Variants in XNDC1N observed in about 807,000 individuals in gnomAD.
XNDC1N encodes the protein XRCC1 N-terminal domain containing 1, N-terminal like, also known as protein XNDC1N.
the XNDC1N span, among the ~76,000 whole-genome samples, chr11:71,880,904 T>C: frequency 6.6e-6 from 1 of 152,218 alleles, no homozygotes; most frequent in African/African-American, 2.4e-5. Flanking sequence ...TTTTCAAAAT[T>C]TGTTGAAACT....
the XNDC1N span, among the ~76,000 whole-genome samples, chr11:71,882,278 CAG>C: frequency 5.3e-5 from 8 of 150,778 alleles, no homozygotes; most frequent in Non-Finnish European, 8.9e-5. Flanking sequence ...TTTTTTTAGA[CAG>C]AGTCTCACTT....
At chr11:71,919,406 T>G in the XNDC1N span, among the ~76,000 whole-genome samples, 3 of 95,302 alleles carry the variant, frequency 3.1e-5, no homozygotes, top group Non-Finnish European at 6.4e-5. Context: ...TTTTTTTTTT[T>G]GAGACAGAGT....
chr11:71,896,268 G>T, the XNDC1N span, among the ~76,000 whole-genome samples: 1 of 152,166 alleles, frequency 6.6e-6, no homozygotes, highest in Non-Finnish European at 1.5e-5. Context: ...AACAGAAAGA[G>T]ACTCCATCAC....
chr11:71,909,258 G>A, the XNDC1N span, among the ~76,000 whole-genome samples: 7 of 151,552 alleles, frequency 4.6e-5, no homozygotes, highest in African/African-American at 1.5e-4. Context: ...TAAGGAAAAC[G>A]GCAAAGAGAA....
At chr11:71,910,464 A>G in the XNDC1N span, among the ~76,000 whole-genome samples, 1 of 152,252 alleles carries the variant, frequency 6.6e-6, no homozygotes, top group East Asian at 1.9e-4. Flanking sequence ...CTCCCCCACC[A>G]TCTTCGGGGA....
At chr11:71,912,286 AC>A in the XNDC1N span, among the ~76,000 whole-genome samples, 1 of 151,920 alleles carries the variant, frequency 6.6e-6, no homozygotes, top group Admixed American at 6.6e-5. Flanking sequence ...AAAAGTATGT[AC>A]TAGTTCTTGG....
At chr11:71,917,604 G>A in the XNDC1N span, 1 of 703,506 alleles carries the variant, frequency 1.4e-6, no homozygotes, top group Non-Finnish European at 2.6e-6. Flanking sequence ...CATCTTTTCT[G>A]CTTTTGCCCT....
the XNDC1N span, among the ~76,000 whole-genome samples, chr11:71,919,605 G>GTTTTTTTTGT: frequency 5.5e-4 from 6 of 10,932 alleles, no homozygotes; most frequent in African/African-American, 6.9e-4. Context: ...GGCCAGGTTG[G>GTTTTTTTTGT]TTTTTTTTTT....
chr11:71,890,705 G>A, the XNDC1N span, among the ~76,000 whole-genome samples: 3 of 151,974 alleles, frequency 2.0e-5, no homozygotes, highest in Non-Finnish European at 4.4e-5. Context: ...GATATTTGGA[G>A]GAATATCATC....
the XNDC1N span, among the ~76,000 whole-genome samples, chr11:71,922,659 C>G: frequency 6.6e-6 from 1 of 152,200 alleles, no homozygotes; most frequent in East Asian, 1.9e-4. Flanking sequence ...ACTAAGAAGC[C>G]TGGGGGCCAG....
the XNDC1N span, among the ~76,000 whole-genome samples, chr11:71,869,049 C>T: frequency 6.6e-6 from 1 of 152,052 alleles, no homozygotes; most frequent in Admixed American, 6.6e-5. Context: ...TCAGCATGGT[C>T]TATTTTTTTA....
At chr11:71,903,509 T>C in the XNDC1N span, 3 of 729,366 alleles carry the variant, frequency 4.1e-6, no homozygotes, top group Admixed American at 2.0e-5. Context: ...TTGCCATTTT[T>C]GGAGGCAGGG....
the XNDC1N span, among the ~76,000 whole-genome samples, chr11:71,870,123 T>G: frequency 0.19 from 28,481 of 151,986 alleles, 4,863 homozygotes; most frequent in African/African-American, 0.45. Context: ...GCTCACTCAC[T>G]GGGGAAGCAC....
the XNDC1N span, among the ~76,000 whole-genome samples, chr11:71,882,830 T>C: frequency 6.6e-6 from 1 of 152,118 alleles, no homozygotes; most frequent in Admixed American, 6.6e-5. Context: ...CCAAATGACA[T>C]AATTTTTTTG....
At chr11:71,917,409 A>ATC in the XNDC1N span, 1 of 618,310 alleles carries the variant, frequency 1.6e-6, no homozygotes, top group Non-Finnish European at 2.9e-6. Flanking sequence ...ATAAATCTCC[A>ATC]TCTCCCCAGC....
At chr11:71,904,103 C>T in the XNDC1N span, 795 of 510,658 alleles carry the variant, frequency 1.6e-3, 6 homozygotes, top group African/African-American at 0.013. Context: ...CTGCGGCGGC[C>T]GCACAGCAGC....
At chr11:71,912,581 T>C in the XNDC1N span, among the ~76,000 whole-genome samples, 1 of 152,122 alleles carries the variant, frequency 6.6e-6, no homozygotes, top group Admixed American at 6.5e-5. Context: ...TCCTGGATAT[T>C]GGGCACAAAA....
the XNDC1N span, among the ~76,000 whole-genome samples, chr11:71,883,695 C>A: frequency 3.2e-4 from 48 of 152,158 alleles, no homozygotes; most frequent in South Asian, 4.4e-3. Flanking sequence ...AATATTTTAA[C>A]TTATAAATTG....
At chr11:71,915,566 C>T in the XNDC1N span, among the ~76,000 whole-genome samples, 1 of 152,024 alleles carries the variant, frequency 6.6e-6, no homozygotes, top group African/African-American at 2.4e-5. Flanking sequence ...TGATCTGGAA[C>T]CAAACCTGGA....
Sources: gnomAD v4.1 joint callset for allele counts (sites outside exome capture counted in the v4.1 genomes callset) on GRCh38, gnomAD v4.1.1 for gene constraint, MANE v1.5 for transcripts, NCBI Gene and HGNC (gene_info 2026-07-23, HGNC 2026-07-21) for gene names.